The following STPG2 variants were observed in gnomAD, a reference collection of about 807,000 sequenced individuals.
STPG2 encodes the protein sperm-tail PG-rich repeat-containing protein 2.
Under a neutral mutation model 54.2 loss-of-function variants are expected in STPG2, and 56 were observed. The ratio of observed to expected loss-of-function variants is 1.03; its 90% confidence interval spans 0.83 to 1.29. The LOEUF (loss-of-function observed/expected upper bound fraction) is 1.29. Among genes scored for constraint, STPG2 ranks in the 50% most tolerant of loss-of-function variants. STPG2 has a pLI of 0.00. For missense variants in STPG2, 596 were observed against 544.9 expected, an observed-to-expected ratio of 1.09 and a Z score of -0.93; for synonymous variants, 200 against 181.8, an observed-to-expected ratio of 1.10 and a Z score of -0.81.
At chr4:97,966,634 T>C (rs1457580336) in intron 7 of STPG2, among the ~76,000 whole-genome samples, 3 of 152,032 alleles carry the variant, frequency 2.0e-5, no homozygotes, top group Admixed American at 1.3e-4. Flanking sequence ...AAAGGTCGGG[T>C]TACCCACAAA....
intron 4 of STPG2, among the ~76,000 whole-genome samples, chr4:97,513,080 C>T (rs1372855082): frequency 3.9e-5 from 6 of 152,114 alleles, no homozygotes; most frequent in Admixed American, 3.9e-4. Flanking sequence ...TTCCATGACT[C>T]CTTTCTTGGA....
At chr4:97,477,493 T>C (rs1380248643) in intron 4 of STPG2, among the ~76,000 whole-genome samples, 1 of 150,132 alleles carries the variant, frequency 6.7e-6, no homozygotes, top group Non-Finnish European at 1.5e-5. Context: ...TTTTTTTTTT[T>C]TGAGACTGAC....
At chr4:97,686,158 G>A (rs537787706) in intron 10 of STPG2, among the ~76,000 whole-genome samples, 2 of 152,268 alleles carry the variant, frequency 1.3e-5, no homozygotes, top group Middle Eastern at 6.8e-3. Flanking sequence ...TGTCCTGTCT[G>A]AAAATTATTA....
At chr4:97,596,661 A>C (rs1386274420) in intron 10 of STPG2, among the ~76,000 whole-genome samples, 1 of 152,298 alleles carries the variant, frequency 6.6e-6, no homozygotes, top group South Asian at 2.1e-4. Flanking sequence ...CTCCAGAATG[A>C]CTTTTGAATA....
At chr4:97,478,982 T>A (rs777214614) in intron 4 of STPG2, among the ~76,000 whole-genome samples, 72 of 151,304 alleles carry the variant, frequency 4.8e-4, no homozygotes, top group Admixed American at 2.0e-3. Context: ...AGACAATTGT[T>A]CATCCTCATT....
chr4:97,495,698 G>C (rs1251633712), intron 4 of STPG2, among the ~76,000 whole-genome samples: 2 of 100,654 alleles, frequency 2.0e-5, no homozygotes, highest in Non-Finnish European at 4.0e-5. Context: ...TTTGGGAAAG[G>C]GATGGTCAAG....
chr4:98,046,168 G>T (rs1737122509), intron 5 of STPG2, among the ~76,000 whole-genome samples: 1 of 150,738 alleles, frequency 6.6e-6, no homozygotes, highest in African/African-American at 2.4e-5. Context: ...GAATTTTTCA[G>T]ATCAGTTGCT....
At chr4:97,982,093 C>G (rs899900189) in intron 5 of STPG2, among the ~76,000 whole-genome samples, 2 of 151,958 alleles carry the variant, frequency 1.3e-5, no homozygotes, top group South Asian at 4.2e-4. Flanking sequence ...ACCGTGTTAG[C>G]CAGGATGGTC....
rs1269675489 is a variant in STPG2, at chr4:98,134,380, T to A, written c.189A>T (p.Pro63=). 1.3e-6 allele frequency: 2 copies of A among 1,580,716 alleles called. No homozygotes were observed. Among genetic ancestry groups the A allele is most frequent in the Non-Finnish European group, 1.7e-6 (2 of 1,160,896 alleles). ...CTGAAACATTATAGTGTCCTGGACC[T>A]GGAACAGCTTTCTCAATGCTAGAGG... ...TIASSIEKAV[P]GPGHYNVSEA... The change falls in exon 2 of 11, where the codon CCA becomes CCT. Residue 63 remains proline, a synonymous_variant. Coordinates refer to ENST00000295268, the MANE Select transcript of STPG2 (RefSeq NM_174952.3).
intron 10 of STPG2, among the ~76,000 whole-genome samples, chr4:97,706,611 T>C (rs775075541): frequency 3.9e-5 from 6 of 152,132 alleles, no homozygotes; most frequent in Non-Finnish European, 7.4e-5. Flanking sequence ...AACTCAGACA[T>C]AGAGAGAATG....
intron 4 of STPG2, among the ~76,000 whole-genome samples, chr4:97,471,362 T>G (rs955473735): frequency 6.6e-5 from 10 of 152,130 alleles, no homozygotes; most frequent in African/African-American, 2.4e-4. Flanking sequence ...CTGTGTCAGT[T>G]ATCTGAGTAA....
At chr4:98,068,510 C>T (rs1478048133) in intron 5 of STPG2, among the ~76,000 whole-genome samples, 2 of 152,026 alleles carry the variant, frequency 1.3e-5, no homozygotes, top group African/African-American at 4.8e-5. Context: ...TTAAAAATGA[C>T]CACTAATCTG....
chr4:97,859,526 G>A (rs1414897760), intron 8 of STPG2, among the ~76,000 whole-genome samples: 1 of 150,610 alleles, frequency 6.6e-6, no homozygotes, highest in Non-Finnish European at 1.5e-5. Context: ...GTGCAGTGGG[G>A]CGATCTGCCC....
intron 2 of STPG2, among the ~76,000 whole-genome samples, chr4:98,133,409 T>C (rs1263745372): frequency 6.6e-6 from 1 of 151,990 alleles, no homozygotes; most frequent in Non-Finnish European, 1.5e-5. Flanking sequence ...ACAGAGCCTA[T>C]CTCTAGCGGG....
chr4:97,992,122 CT>C (rs1735039923), intron 5 of STPG2, among the ~76,000 whole-genome samples: 1 of 152,024 alleles, frequency 6.6e-6, no homozygotes, highest in Non-Finnish European at 1.5e-5. Flanking sequence ...ATCCATTTAT[CT>C]TTGTTTCTGT....
intron 9 of STPG2, among the ~76,000 whole-genome samples, chr4:97,819,640 T>G (rs1215372004): frequency 3.3e-5 from 5 of 152,108 alleles, no homozygotes; most frequent in Non-Finnish European, 7.4e-5. Context: ...AAAATTATGC[T>G]GTCAACATCA....
chr4:97,693,566 C>T (rs542696336), intron 10 of STPG2, among the ~76,000 whole-genome samples: 13 of 152,122 alleles, frequency 8.5e-5, no homozygotes, highest in South Asian at 2.1e-4. Flanking sequence ...ATGAGATAGA[C>T]GGCAATACAA....
intron 7 of STPG2, among the ~76,000 whole-genome samples, chr4:97,963,366 A>G (rs577079968): frequency 6.6e-6 from 1 of 151,734 alleles, no homozygotes; most frequent in South Asian, 2.1e-4. Flanking sequence ...TTTTTACCAC[A>G]AAAATATATA....
intron 4 of STPG2, among the ~76,000 whole-genome samples, chr4:97,518,950 G>A (rs1381808192): frequency 6.6e-6 from 1 of 152,052 alleles, no homozygotes; most frequent in African/African-American, 2.4e-5. Flanking sequence ...ATTCATAGAA[G>A]TGCTTTTCAC....
Sources: allele counts gnomAD v4.1 joint callset (sites outside exome capture counted in the v4.1 genomes callset), GRCh38; gene constraint gnomAD v4.1.1; transcripts MANE v1.5; gene names NCBI Gene and HGNC (gene_info 2026-07-23, HGNC 2026-07-21).